Variants in CLCA4 observed in about 807,000 individuals in gnomAD.
The protein encoded by CLCA4 is chloride channel accessory 4.
In CLCA4, 69 loss-of-function variants were observed where a neutral mutation model predicts 78.9. That is an observed-to-expected ratio of 0.87 (90% CI 0.72 to 1.07). The LOEUF is 1.07. Among genes scored for constraint, CLCA4 ranks in the 50% least tolerant of loss-of-function variants. The pLI, the probability that CLCA4 is intolerant of heterozygous loss-of-function variation, is 0.00. For synonymous variants in CLCA4, 362 were observed against 375.8 expected (o/e 0.96, Z 0.42); for missense variants, 1,133 against 1,095.8 (o/e 1.03, Z -0.48).
intron 1 of CLCA4, chr1:86,553,440 C>G (rs1649724572): frequency 5.3e-6 from 2 of 374,292 alleles, no homozygotes; most frequent in Non-Finnish European, 9.6e-6. Context: ...TCTATTCCAG[C>G]AAGCTGTCGA....
intron 1 of CLCA4, among the ~76,000 whole-genome samples, chr1:86,549,246 C>T (rs1452512656): frequency 1.3e-5 from 2 of 151,734 alleles, no homozygotes; most frequent in Non-Finnish European, 2.9e-5. Flanking sequence ...CTGAGATGAG[C>T]GAGAGAAGAG....
intron 3 of CLCA4, among the ~76,000 whole-genome samples, chr1:86,561,323 A>G (rs1650009799): frequency 6.6e-6 from 1 of 152,342 alleles, no homozygotes; most frequent in East Asian, 1.9e-4. Context: ...ACAAGTATAA[A>G]TAGCTCAATT....
In CLCA4 at chr1:86,571,223, TGAAGCAGTAATAGA is replaced by T. The variant is rs761524574; in HGVS notation, c.1332_1345del (p.Glu444AspfsTer15). The T allele has an allele frequency of 8.1e-6, 13 of 1,612,522 alleles. No individual in the cohort carries two copies. The African/African-American group carries it at 1.6e-4, about 20-fold the overall frequency. On this transcript the variant is annotated frameshift_variant, in exon 8 of 14. Coordinates refer to ENST00000370563, the MANE Select transcript of CLCA4 (RefSeq NM_012128.4). LOFTEE classifies it high-confidence loss of function. ...TTATTGCTTTGGGAAGAGCTGCTGA[TGAAGCAGTAATAGA>T]GATGAGCAAGATAACAGGTAAAACA... is the stretch of plus-strand genomic sequence containing the variant.
intron 11 of CLCA4, among the ~76,000 whole-genome samples, chr1:86,577,625 G>A (rs1650557679): frequency 6.6e-6 from 1 of 152,018 alleles, no homozygotes; most frequent in Non-Finnish European, 1.5e-5. Context: ...GAATTAATAA[G>A]GACAGAAAGG....
chr1:86,552,738 C>T (rs1649704396), intron 1 of CLCA4: 10 of 1,433,518 alleles, frequency 7.0e-6, no homozygotes, highest in South Asian at 3.4e-5. Context: ...GGGCCCGGCC[C>T]GGCACCCCCA....
chr1:86,576,981 T>C (rs1379370102), intron 11 of CLCA4, among the ~76,000 whole-genome samples: 1 of 152,120 alleles, frequency 6.6e-6, no homozygotes, highest in Non-Finnish European at 1.5e-5. Context: ...TCTATCAGTA[T>C]ATTTTGCAAT....
rs771698997 is a variant in CLCA4 at position 86,572,680 on chromosome 1, T to C, written c.1427T>C (p.Leu476Pro). The C allele has an allele frequency of 6.2e-7, 1 of 1,608,216 alleles. No individual in the cohort carries two copies. Among genetic ancestry groups the C allele is most frequent in the Non-Finnish European group, 8.5e-7 (1 of 1,175,056 alleles). ...GGCCTCATTGATGCTTTTGGGGCTCTTACATCAGGAAATACTGATCTCTCC... is the reference window on the plus strand; with the variant it reads ...GGCCTCATTGATGCTTTTGGGGCTCCTACATCAGGAAATACTGATCTCTCC... ...NNGLIDAFGA[L>P]TSGNTDLSQK... is the part of the protein sequence containing the mutation. Residue 476 changes from leucine (L) to proline (P), a missense_variant, in exon 9 of 14, where the codon CTT becomes CCT. Physicochemically the swap from Leu to Pro is moderately conservative, Grantham distance 98. Transcript: ENST00000370563.
intron 4 of CLCA4, among the ~76,000 whole-genome samples, chr1:86,564,740 A>G (rs1570327455): frequency 6.6e-6 from 1 of 152,078 alleles, no homozygotes; most frequent in Admixed American, 6.6e-5. Flanking sequence ...TGTCTCCATC[A>G]TTTTTTATTC....
At position 86,565,862 on chromosome 1, in the gene CLCA4, A is replaced by G; in HGVS notation, c.796A>G (p.Lys266Glu). 6.2e-7 allele frequency: 1 copy of G among 1,604,116 alleles called. No homozygotes were observed. Among genetic ancestry groups the G allele is most frequent in the Non-Finnish European group, 8.5e-7 (1 of 1,174,296 alleles). ...AGAAGCTCCAAGCCTACAAAACATA[A>G]AGTGCAATTTTAGAAGTACATGGGA... ...NQEAPSLQNIKCNFRSTWEVI... is the reference protein window; with the variant it reads ...NQEAPSLQNIECNFRSTWEVI... The change falls in exon 6 of 14, where the codon AAG (lysine) becomes GAG (glutamate). Residue 266 changes from lysine to glutamate, a missense_variant. Coordinates refer to ENST00000370563, the MANE Select transcript of CLCA4 (RefSeq NM_012128.4).
intron 5 of CLCA4, 53 bp downstream of exon 5, chr1:86,565,504 ATGT>A: frequency 1.4e-6 from 2 of 1,381,670 alleles, no homozygotes; most frequent in Non-Finnish European, 2.0e-6. Context: ...ACATATTGTC[ATGT>A]TTTTAAAGTA....
intron 1 of CLCA4, among the ~76,000 whole-genome samples, chr1:86,549,070 A>C (rs973107398): frequency 4.6e-5 from 7 of 152,190 alleles, no homozygotes; most frequent in African/African-American, 1.7e-4. Context: ...ATAGTTAATA[A>C]GTAAATGGAT....
At position 86,580,226 on chromosome 1, in the gene CLCA4, C is replaced by T. The variant is rs1260857688; in HGVS notation, c.2641C>T (p.Pro881Ser). The T allele has an allele frequency of 6.3e-7, 1 of 1,595,276 alleles. No homozygotes were observed. The highest frequency in any genetic ancestry group is 1.7e-5 in the Admixed American group (1 of 59,294). ...TGATGACATTGATCCTACACCTACT[C>T]CTACTCCTACTCCTACTCCTGATAA... ...NPDDIDPTPT[P>S]TPTPTPDKSH... Residue 881 changes from proline to serine, a missense_variant, in exon 14 of 14, where the codon CCT becomes TCT. Physicochemically the swap from Pro to Ser is moderately conservative, Grantham distance 74. Transcript: ENST00000370563.
chr1:86,553,123 G>A, intron 1 of CLCA4: 1 of 797,788 alleles, frequency 1.3e-6, no homozygotes. Context: ...CCCATCCTGC[G>A]TCATCTCCTC....
intron 1 of CLCA4, among the ~76,000 whole-genome samples, chr1:86,553,692 T>C (rs1649736259): frequency 6.6e-6 from 1 of 152,332 alleles, no homozygotes; most frequent in South Asian, 2.1e-4. Context: ...CCCAGCACTT[T>C]GGGAGGCTGA....
intron 12 of CLCA4, among the ~76,000 whole-genome samples, 182 bp from the exon 13 acceptor site, chr1:86,579,172 A>T (rs1650623875): frequency 6.6e-6 from 1 of 152,098 alleles, no homozygotes; most frequent in Non-Finnish European, 1.5e-5. Context: ...TCTGTCCTAC[A>T]ATATCCTACC....
At chr1:86,547,394 A>C in intron 1 of CLCA4, 116 bp downstream of exon 1, 2 of 756,726 alleles carry the variant, frequency 2.6e-6, no homozygotes. Context: ...ACATGTATAC[A>C]ATTTGTAAAG....
intron 1 of CLCA4, among the ~76,000 whole-genome samples, chr1:86,551,048 G>A (rs1038716913): frequency 3.3e-5 from 5 of 151,816 alleles, no homozygotes; most frequent in Non-Finnish European, 7.4e-5. Flanking sequence ...AGCCAGGATG[G>A]TCTCAATCTC....
chr1:86,547,202 A>T lies in CLCA4; in HGVS notation c.83A>T (p.Asn28Ile). ...AATACTTCCTTCATTAAGCTGAATA[A>T]TAATGGCTTTGAAGATATTGTCATT... ...QSNTSFIKLN[N>I]NGFEDIVIVI... The change falls in exon 1 of 14, where the codon AAT becomes ATT. Residue 28 changes from asparagine (N) to isoleucine (I), a missense_variant. Coordinates refer to ENST00000370563, the MANE Select transcript of CLCA4 (RefSeq NM_012128.4). The T allele has an allele frequency of 1.2e-6, 2 of 1,612,258 alleles. No homozygotes were observed.
At chr1:86,558,323 T>A (rs534263666) in intron 1 of CLCA4, among the ~76,000 whole-genome samples, 2 of 152,322 alleles carry the variant, frequency 1.3e-5, no homozygotes, top group South Asian at 4.1e-4. Flanking sequence ...TGTGTCTAAG[T>A]CTGTTTTTGT....
Sources: allele counts gnomAD v4.1 joint callset (sites outside exome capture counted in the v4.1 genomes callset), GRCh38; gene constraint gnomAD v4.1.1; transcripts MANE v1.5; gene names NCBI Gene and HGNC (gene_info 2026-07-23, HGNC 2026-07-21).